The following SLC39A11 variants were observed in gnomAD, a reference collection of about 807,000 sequenced individuals.
SLC39A11 encodes the protein solute carrier family 39 member 11.
Under a neutral mutation model 36.1 loss-of-function variants are expected in SLC39A11, and 33 were observed. That is an observed-to-expected ratio of 0.91 (90% confidence interval 0.69 to 1.22). The LOEUF is 1.22. SLC39A11 is among the 50% of genes most tolerant of loss of function. SLC39A11 has a pLI of 0.00. For missense variants in SLC39A11, 432 were observed against 430.3 expected (o/e 1.00, Z -0.03); for synonymous variants, 166 against 170.3 (o/e 0.97, Z 0.20).
intron 6 of SLC39A11, among the ~76,000 whole-genome samples, chr17:72,805,450 G>C (rs1435245905): frequency 6.6e-6 from 1 of 152,234 alleles, no homozygotes; most frequent in Non-Finnish European, 1.5e-5. Context: ...TGTTCAATCA[G>C]CAGACTTTGC....
intron 3 of SLC39A11, among the ~76,000 whole-genome samples, chr17:73,058,204 A>G (rs1437830884): frequency 6.6e-6 from 1 of 152,182 alleles, no homozygotes; most frequent in African/African-American, 2.4e-5. Flanking sequence ...GTCTTGGCAA[A>G]TAATACTATT....
At chr17:72,806,082 T>C (rs2077247134) in intron 6 of SLC39A11, among the ~76,000 whole-genome samples, 2 of 152,146 alleles carry the variant, frequency 1.3e-5, no homozygotes, top group Admixed American at 1.3e-4. Context: ...CCAACCTGAC[T>C]TTAAAGCTGG....
intron 6 of SLC39A11, chr17:72,837,926 T>C: frequency 8.1e-7 from 1 of 1,228,342 alleles, no homozygotes; most frequent in Non-Finnish European, 1.0e-6. Context: ...TGCAGTTTCT[T>C]TTTTTCCTCA....
At chr17:72,691,761 G>A (rs181221302) in intron 7 of SLC39A11, among the ~76,000 whole-genome samples, 1 of 151,840 alleles carries the variant, frequency 6.6e-6, no homozygotes, top group East Asian at 1.9e-4. Flanking sequence ...CTTTCATTTG[G>A]GAATGTTTTC....
At chr17:72,943,415 A>T (rs1370452698) in intron 5 of SLC39A11, among the ~76,000 whole-genome samples, 3 of 152,264 alleles carry the variant, frequency 2.0e-5, no homozygotes, top group Non-Finnish European at 2.9e-5. Flanking sequence ...TTCATTTTGC[A>T]AAACATGGCT....
At chr17:72,966,805 G>A (rs56857390) in intron 4 of SLC39A11, among the ~76,000 whole-genome samples, 6,556 of 152,116 alleles carry the variant, frequency 0.043, 487 homozygotes, top group African/African-American at 0.15. Context: ...TCCTGACCTC[G>A]TGATCCGCCC....
chr17:72,858,972 T>G (rs2079809286), intron 5 of SLC39A11, among the ~76,000 whole-genome samples: 1 of 152,218 alleles, frequency 6.6e-6, no homozygotes, highest in South Asian at 2.1e-4. Context: ...GTCTTCCTAT[T>G]TGGATGCCCT....
At chr17:72,695,884 G>A (rs963357260) in intron 7 of SLC39A11, among the ~76,000 whole-genome samples, 2 of 152,194 alleles carry the variant, frequency 1.3e-5, no homozygotes, top group African/African-American at 4.8e-5. Flanking sequence ...CCTGCAGAGA[G>A]CACAGCTATC....
Position 72,838,261 on chromosome 17 carries a change from C to T in SLC39A11, c.601+11373G>A, listed in dbSNP as rs2078657367. The T allele has an allele frequency of 8.6e-6, 3 of 350,052 alleles. No homozygotes were observed. In the East Asian group the frequency reaches 1.2e-4, roughly 14 times the overall value. The allele number at this position is 350,052 out of a possible 1,614,324, so 21.7% of individuals were successfully genotyped here. On this transcript the variant is annotated intron_variant, in intron 6 of 9. Transcript: ENST00000255559. ...TTTTTTTTTTTGAGACAAGGTCTTG[C>T]TCTGTCACCTTGGCTGGAGTGCAGT...
At chr17:72,869,779 A>G (rs1211565446) in intron 5 of SLC39A11, among the ~76,000 whole-genome samples, 1 of 152,254 alleles carries the variant, frequency 6.6e-6, no homozygotes, top group East Asian at 1.9e-4. Flanking sequence ...CCCTGCTGAC[A>G]TTTGAAAGCA....
intron 5 of SLC39A11, among the ~76,000 whole-genome samples, chr17:72,898,919 G>A (rs1407829182): frequency 6.6e-6 from 1 of 152,202 alleles, no homozygotes; most frequent in African/African-American, 2.4e-5. Context: ...TGCTGGAGCA[G>A]GAGGAGACCC....
chr17:72,789,289 T>C (rs2076622142), intron 6 of SLC39A11, among the ~76,000 whole-genome samples: 1 of 152,142 alleles, frequency 6.6e-6, no homozygotes, highest in South Asian at 2.1e-4. Flanking sequence ...CGCCTAGGCC[T>C]CCCAAAGGCT....
intron 6 of SLC39A11, among the ~76,000 whole-genome samples, chr17:72,816,464 A>G (rs2077588910): frequency 6.6e-6 from 1 of 152,228 alleles, no homozygotes; most frequent in Admixed American, 6.5e-5. Context: ...AACATTTAAA[A>G]GCTGTGGCAC....
At chr17:72,796,397 G>A (rs1377166788) in intron 6 of SLC39A11, among the ~76,000 whole-genome samples, 2 of 152,086 alleles carry the variant, frequency 1.3e-5, no homozygotes, top group Admixed American at 1.3e-4. Context: ...TGCATGAGAA[G>A]GAGGGCTTTT....
intron 4 of SLC39A11, among the ~76,000 whole-genome samples, chr17:73,023,536 C>T (rs771157256): frequency 6.6e-6 from 1 of 152,150 alleles, no homozygotes; most frequent in Non-Finnish European, 1.5e-5. Flanking sequence ...CTTGCCCAGG[C>T]TGGAGTGCAG....
chr17:72,782,861 A>G (rs111904485), intron 6 of SLC39A11, among the ~76,000 whole-genome samples: 5,554 of 151,366 alleles, frequency 0.037, 313 homozygotes, highest in African/African-American at 0.12. Flanking sequence ...AATTAGCCAG[A>G]CGGGGTGGTG....
At chr17:72,783,055 C>T (rs962622627) in intron 6 of SLC39A11, among the ~76,000 whole-genome samples, 2 of 149,368 alleles carry the variant, frequency 1.3e-5, no homozygotes. Flanking sequence ...CAGATTTTCA[C>T]CAGAAAGCAG....
chr17:72,955,884 T>C (rs901152175), intron 4 of SLC39A11, among the ~76,000 whole-genome samples: 5 of 152,154 alleles, frequency 3.3e-5, no homozygotes, highest in African/African-American at 1.2e-4. Flanking sequence ...AACGATTTTC[T>C]AGCTAATGCC....
intron 6 of SLC39A11, among the ~76,000 whole-genome samples, chr17:72,757,557 GA>G (rs112757503): frequency 0.15 from 23,304 of 152,112 alleles, 2,294 homozygotes; most frequent in African/African-American, 0.28. Flanking sequence ...CCAGGGCAAT[GA>G]AACCTGCCTT....
Sources: allele counts gnomAD v4.1 joint callset (sites outside exome capture counted in the v4.1 genomes callset), GRCh38; gene constraint gnomAD v4.1.1; transcripts MANE v1.5; gene names NCBI Gene and HGNC (gene_info 2026-07-23, HGNC 2026-07-21).